ANK1: variants seen among roughly 807,000 people sequenced by gnomAD.
ANK1 encodes the protein ankyrin-1.
A neutral mutation model predicts 210.4 loss-of-function variants in ANK1; 51 were observed. That is an observed-to-expected ratio of 0.24 (90% confidence interval 0.19 to 0.31). The LOEUF is 0.31. Among genes scored for constraint, ANK1 ranks in the 10% least tolerant of loss-of-function variants. ANK1 has a pLI of 1.00. For synonymous variants in ANK1, 967 were observed against 1,025.9 expected, an observed-to-expected ratio of 0.94 and a Z score of 1.10; for missense variants, 2,051 against 2,504.4, an observed-to-expected ratio of 0.82 and a Z score of 3.86.
At chr8:41,714,110 G>A (rs60229814) in intron 16 of ANK1, 46 bp downstream of exon 16, 1 of 1,273,116 alleles carries the variant, frequency 7.9e-7, no homozygotes, top group Non-Finnish European at 1.0e-6. Flanking sequence ...GAAGGTAGCA[G>A]GTGACCTGCT....
intron 1 of ANK1, among the ~76,000 whole-genome samples, chr8:41,812,369 T>C (rs941664125): frequency 2.0e-5 from 3 of 152,142 alleles, no homozygotes; most frequent in South Asian, 2.1e-4. Context: ...TGTTTGAAGC[T>C]GATAGAGTGT....
chr8:41,731,132 C>T (rs1832079985), intron 3 of ANK1, among the ~76,000 whole-genome samples: 1 of 152,200 alleles, frequency 6.6e-6, no homozygotes, highest in South Asian at 2.1e-4. Flanking sequence ...TCTACACACA[C>T]ACATTATGAG....
At chr8:41,760,008 G>GC (rs1196452981) in intron 1 of ANK1, among the ~76,000 whole-genome samples, 3 of 152,006 alleles carry the variant, frequency 2.0e-5, no homozygotes, top group African/African-American at 7.3e-5. Context: ...AACACCAGGC[G>GC]CCCCCCAACA....
At chr8:41,730,188 C>T (rs1298153453) in intron 3 of ANK1, among the ~76,000 whole-genome samples, 3 of 152,146 alleles carry the variant, frequency 2.0e-5, no homozygotes, top group African/African-American at 4.8e-5. Flanking sequence ...GGGGCCTAGC[C>T]GTGTGGCCCC....
At chr8:41,756,820 T>C (rs900086824) in intron 2 of ANK1, among the ~76,000 whole-genome samples, 1 of 152,182 alleles carries the variant, frequency 6.6e-6, no homozygotes, top group Non-Finnish European at 1.5e-5. Flanking sequence ...ATGTCGCCCA[T>C]GGAAAACCTA....
chr8:41,759,484 G>A (rs1482704168), intron 1 of ANK1, among the ~76,000 whole-genome samples: 1 of 151,338 alleles, frequency 6.6e-6, no homozygotes, highest in Non-Finnish European at 1.5e-5. Flanking sequence ...CCAGCCTGGT[G>A]ACAAAGCAAG....
chr8:41,874,093 C>T (rs1816104686), intron 1 of ANK1, among the ~76,000 whole-genome samples: 1 of 152,232 alleles, frequency 6.6e-6, no homozygotes, highest in Non-Finnish European at 1.5e-5. Flanking sequence ...CCTGCGGACA[C>T]ACAACAGGGA....
chr8:41,800,811 T>A (rs1849748350), upstream of ANK1, among the ~76,000 whole-genome samples: 1 of 152,084 alleles, frequency 6.6e-6, no homozygotes, highest in Non-Finnish European at 1.5e-5. Context: ...ACCTCCCAGG[T>A]TCAAGCCATC....
chr8:41,688,455 C>A, intron 34 of ANK1, 56 bp downstream of exon 34: 1 of 1,587,452 alleles, frequency 6.3e-7, no homozygotes, highest in South Asian at 1.1e-5. Flanking sequence ...GAGATGAGCT[C>A]ACGCCCACCC....
intron 1 of ANK1, among the ~76,000 whole-genome samples, chr8:41,820,219 G>A (rs1804004707): frequency 6.6e-6 from 1 of 151,554 alleles, no homozygotes; most frequent in Non-Finnish European, 1.5e-5. Flanking sequence ...GAATGCAATG[G>A]TACAATCATT....
At chr8:41,856,232 G>T (rs751829752) in intron 1 of ANK1, among the ~76,000 whole-genome samples, 2 of 152,200 alleles carry the variant, frequency 1.3e-5, no homozygotes, top group Non-Finnish European at 2.9e-5. Flanking sequence ...AGAGCTATTT[G>T]TAGAGTCCCT....
intron 1 of ANK1, among the ~76,000 whole-genome samples, chr8:41,893,034 G>A (rs1195813559): frequency 6.6e-6 from 1 of 152,118 alleles, no homozygotes; most frequent in Non-Finnish European, 1.5e-5. Context: ...AGGCGTCAGC[G>A]CTCCTCTCCC....
chr8:41,793,566 G>C (rs146892949), intron 1 of ANK1, among the ~76,000 whole-genome samples: 8 of 152,322 alleles, frequency 5.3e-5, no homozygotes, highest in African/African-American at 1.9e-4. Context: ...ATGGATTAGA[G>C]GGAGTGAGAC....
chr8:41,725,564 C>T (rs1388374709), intron 6 of ANK1, among the ~76,000 whole-genome samples, 197 bp downstream of exon 6: 2 of 152,226 alleles, frequency 1.3e-5, no homozygotes, highest in African/African-American at 4.8e-5. Context: ...ACCAAGAGCA[C>T]GTTTCTGGGC....
intron 2 of ANK1, among the ~76,000 whole-genome samples, chr8:41,739,972 T>G (rs774352912): frequency 7.2e-5 from 11 of 152,052 alleles, no homozygotes; most frequent in Non-Finnish European, 1.3e-4. Context: ...TTTGTCGTGC[T>G]CCAGCTTCAG....
At chr8:41,785,857 C>T (rs1398966270) in intron 1 of ANK1, among the ~76,000 whole-genome samples, 1 of 152,190 alleles carries the variant, frequency 6.6e-6, no homozygotes, top group African/African-American at 2.4e-5. Flanking sequence ...GAGCCTTGCT[C>T]GGCCCTTCTG....
At chr8:41,820,327 A>ATGTGTGTGTG (rs56359274) in intron 1 of ANK1, among the ~76,000 whole-genome samples, 1 of 142,844 alleles carries the variant, frequency 7.0e-6, no homozygotes, top group East Asian at 2.2e-4. Context: ...ACCAAGCTAA[A>ATGTGTGTGTG]TGTGTGTGTG....
chr8:41,711,687 T>C (rs1254043838), intron 16 of ANK1, among the ~76,000 whole-genome samples: 1 of 152,226 alleles, frequency 6.6e-6, no homozygotes, highest in African/African-American at 2.4e-5. Context: ...TCTGGGACTT[T>C]CTAGGTATTT....
At position 41,852,548 on chromosome 8, in the gene ANK1, G is replaced by T. The variant is rs536338602; in HGVS notation, c.126+43807C>A. ...CCAAGTGGCCACGGTTTGGCAGAGG[G>T]GCTCTGCACCCAAAGACCTCCGGCC... On this transcript the variant is annotated intron_variant, in intron 1 of 42. Coordinates refer to the ANK1 transcript ENST00000265709. Among the ~76,000 whole-genome samples, 326 of 152,302 alleles carry T rather than the reference G, an allele frequency of 2.1e-3. 3 individuals are homozygous for T. The highest frequency in any genetic ancestry group is 3.4e-3 in the Non-Finnish European group (231 of 68,020).
Sources: allele counts gnomAD v4.1 joint callset (sites outside exome capture counted in the v4.1 genomes callset), GRCh38; gene constraint gnomAD v4.1.1; transcripts MANE v1.5; gene names NCBI Gene and HGNC (gene_info 2026-07-23, HGNC 2026-07-21).